The following SPOP variants were observed in gnomAD, a reference collection of about 807,000 sequenced individuals.
SPOP encodes the protein speckle type BTB/POZ protein, also known as speckle-type POZ protein.
Under a neutral mutation model 45.6 loss-of-function variants are expected in SPOP, and 11 were observed. That is an observed-to-expected ratio of 0.24 (90% confidence interval 0.15 to 0.40). SPOP has a LOEUF of 0.40. Among genes scored for constraint, SPOP ranks in the 10% least tolerant of loss-of-function variants. SPOP has a pLI of 1.00. For synonymous variants in SPOP, 166 were observed against 166.3 expected (o/e 1.00, Z 0.01); for missense variants, 152 against 465.6 (o/e 0.33, Z 6.20).
At position 49,611,476 on chromosome 17, in the gene SPOP, C is replaced by T. The variant is rs769442301; in HGVS notation, c.481-19G>A. 46 of 1,610,968 alleles carry T rather than the reference C, an allele frequency of 2.9e-5. No individual in the cohort carries two copies. The highest frequency in any genetic ancestry group is 3.7e-5 in the Non-Finnish European group (44 of 1,179,366). On this transcript the variant is annotated intron_variant, in intron 5 of 9. Coordinates refer to ENST00000504102, the MANE Select transcript of SPOP (RefSeq NM_001007228.2). ...CACTCACCTGTGAAAGACAAGGAAA[C>T]ACAAGCCAAGCTTTTGTTACCAGGA...
intron 5 of SPOP, among the ~76,000 whole-genome samples, chr17:49,615,501 T>G (rs898338528): frequency 2.6e-5 from 4 of 152,126 alleles, no homozygotes; most frequent in African/African-American, 9.7e-5. Flanking sequence ...TATTTATTTA[T>G]TTATTTATTT....
chr17:49,651,980 T>C (rs577428357), intron 1 of SPOP, among the ~76,000 whole-genome samples: 21 of 151,788 alleles, frequency 1.4e-4, no homozygotes, highest in Non-Finnish European at 2.6e-4. Context: ...AATCGTGCCA[T>C]TGCACTCCAG....
intron 1 of SPOP, among the ~76,000 whole-genome samples, chr17:49,640,907 C>T (rs2072634213): frequency 6.6e-6 from 1 of 152,126 alleles, no homozygotes. Context: ...GGGCACACTC[C>T]TTCACCATTG....
chr17:49,651,834 C>G (rs927624966), intron 1 of SPOP, among the ~76,000 whole-genome samples: 2 of 152,076 alleles, frequency 1.3e-5, no homozygotes, highest in African/African-American at 4.8e-5. Flanking sequence ...GCCTGGCCAA[C>G]ATGGTGAAAC....
chr17:49,609,066 G>A (rs996143814), intron 6 of SPOP, among the ~76,000 whole-genome samples: 7 of 152,014 alleles, frequency 4.6e-5, no homozygotes, highest in Non-Finnish European at 8.8e-5. Flanking sequence ...CCACCACCAC[G>A]CCTGGCTAAT....
rs200584922 is a variant in SPOP, at chr17:49,630,818, G to A, written c.-66-7942C>T. ...ATTACCGATACCAAGTGAATCTAGA[G>A]ATCAAGAAAAAAGTCCACAGCCTTA... On this transcript the variant is annotated intron_variant, in intron 1 of 9. Transcript: ENST00000504102. Among the ~76,000 whole-genome samples the A allele has an allele frequency of 8.5e-5, 13 of 152,180 alleles. No homozygotes were observed. The East Asian group carries it at 2.5e-3, about 29-fold the overall frequency.
At chr17:49,655,414 G>A (rs2143507101) in intron 1 of SPOP, among the ~76,000 whole-genome samples, 1 of 152,162 alleles carries the variant, frequency 6.6e-6, no homozygotes, top group East Asian at 1.9e-4. Flanking sequence ...GGGAGGCTGA[G>A]GCAGGAGAAT....
At chr17:49,666,448 G>GAC (rs36210011) in intron 1 of SPOP, among the ~76,000 whole-genome samples, 3,338 of 142,026 alleles carry the variant, frequency 0.024, 59 homozygotes, top group East Asian at 0.046. Context: ...CATGAAGACA[G>GAC]ACACACACAC....
intron 1 of SPOP, among the ~76,000 whole-genome samples, chr17:49,650,337 T>C (rs2072825924): frequency 6.6e-6 from 1 of 152,024 alleles, no homozygotes; most frequent in South Asian, 2.1e-4. Flanking sequence ...CCCAGCACTT[T>C]GGGAGGCTGA....
intron 1 of SPOP, among the ~76,000 whole-genome samples, chr17:49,671,019 T>C (rs2073129058): frequency 6.6e-6 from 1 of 152,186 alleles, no homozygotes; most frequent in Admixed American, 6.5e-5. Flanking sequence ...TTTCAACTTC[T>C]AAATTTTATT....
intron 1 of SPOP, among the ~76,000 whole-genome samples, chr17:49,671,939 G>A (rs577723083): frequency 3.4e-4 from 52 of 152,250 alleles, no homozygotes; most frequent in Admixed American, 1.4e-3. Flanking sequence ...AGGAGATCGA[G>A]ACCATCCTGG....
At chr17:49,643,013 A>AC (rs1766142191) in intron 1 of SPOP, among the ~76,000 whole-genome samples, 1 of 152,268 alleles carries the variant, frequency 6.6e-6, no homozygotes, top group Admixed American at 6.5e-5. Flanking sequence ...CAGATCTGAG[A>AC]TAAAATACAC....
At chr17:49,618,666 T>C in intron 5 of SPOP, 1 of 460,374 alleles carries the variant, frequency 2.2e-6, no homozygotes, top group Non-Finnish European at 4.1e-6. Flanking sequence ...TTTAGCTTGA[T>C]GTGACAGTCC....
chr17:49,603,448 C>T (rs1031764509), intron 8 of SPOP, among the ~76,000 whole-genome samples: 131 of 152,222 alleles, frequency 8.6e-4, no homozygotes, highest in African/African-American at 3.1e-3. Flanking sequence ...CATTCTTGTC[C>T]CTTGGGGACA....
chr17:49,602,701 G>A (rs77794583), intron 8 of SPOP, among the ~76,000 whole-genome samples: 1,650 of 152,288 alleles, frequency 0.011, 38 homozygotes, highest in African/African-American at 0.037. Flanking sequence ...TTATTTTACT[G>A]GGGTTGAGGT....
At chr17:49,613,119 T>A (rs1352496546) in intron 5 of SPOP, among the ~76,000 whole-genome samples, 5 of 152,170 alleles carry the variant, frequency 3.3e-5, no homozygotes, top group African/African-American at 4.8e-5. Flanking sequence ...TAGGACACAG[T>A]ACAAACCATC....
rs572723873 is a variant in SPOP, at chr17:49,639,547, A to G, written c.-66-16671T>C. ...TATAACAGAATGCTATATGGCAATG[A>G]AATCAAACTACAGTTCTATATAGTA... On this transcript the variant is annotated intron_variant, in intron 1 of 9. Coordinates refer to ENST00000504102, the MANE Select transcript of SPOP (RefSeq NM_001007228.2). Among the ~76,000 whole-genome samples, 4 of 152,358 alleles carry G rather than the reference A, an allele frequency of 2.6e-5. No homozygotes were observed. In the South Asian group the frequency reaches 8.3e-4, roughly 32 times the overall value.
chr17:49,638,540 G>A (rs952075698), intron 1 of SPOP, among the ~76,000 whole-genome samples: 5 of 151,092 alleles, frequency 3.3e-5, no homozygotes, highest in African/African-American at 7.3e-5. Context: ...AACAGAGATC[G>A]CACCACTGCA....
Position 49,600,374 on chromosome 17 carries a change from G to C in SPOP, c.*4C>G. On this transcript the variant is annotated 3_prime_UTR_variant, in exon 10 of 10. Coordinates refer to ENST00000504102, the MANE Select transcript of SPOP (RefSeq NM_001007228.2). This position sits in a 1 kb window ranked among gnomAD's most constrained non-coding sequence, Gnocchi z 4.2. ...TTAAACGGAGTCTTACAACAAGCAG[G>C]ATCTTAGGATTGCTTCAGGCGTTTG... 1.9e-6 allele frequency: 3 copies of C among 1,613,942 alleles called. No homozygotes were observed. The highest frequency in any genetic ancestry group is 2.5e-6 in the Non-Finnish European group (3 of 1,179,970).
Sources: allele counts gnomAD v4.1 joint callset (sites outside exome capture counted in the v4.1 genomes callset), GRCh38; gene constraint gnomAD v4.1.1; non-coding constraint Gnocchi (gnomAD v3.1); transcripts MANE v1.5; gene names NCBI Gene and HGNC (gene_info 2026-07-23, HGNC 2026-07-21).